KCNU1: variants seen among roughly 807,000 people sequenced by gnomAD.
The protein encoded by KCNU1 is potassium calcium-activated channel subfamily U member 1.
In KCNU1, 93 loss-of-function variants were observed where a neutral mutation model predicts 126.8. The ratio of observed to expected loss-of-function variants is 0.73; its 90% confidence interval spans 0.62 to 0.87. The LOEUF is 0.87. Among genes scored for constraint, KCNU1 ranks in the 40% least tolerant of loss-of-function variants. The probability of loss-of-function intolerance (pLI) is 0.00; values close to 1 mark genes in which losing one functional copy is unlikely to be tolerated. For missense variants in KCNU1, 1,330 were observed against 1,367.1 expected, an observed-to-expected ratio of 0.97 and a Z score of 0.43; for synonymous variants, 523 against 494.2, an observed-to-expected ratio of 1.06 and a Z score of -0.77.
chr8:36,882,083 C>T (rs1806507057), intron 19 of KCNU1, among the ~76,000 whole-genome samples: 1 of 152,158 alleles, frequency 6.6e-6, no homozygotes, highest in Non-Finnish European at 1.5e-5. Context: ...CAAAAAGAGA[C>T]CCATTCTCTC....
chr8:36,812,969 A>G (rs2130453289), intron 7 of KCNU1, among the ~76,000 whole-genome samples: 1 of 152,344 alleles, frequency 6.6e-6, no homozygotes, highest in East Asian at 1.9e-4. Context: ...CCTGTACTAC[A>G]ACATTGTAAA....
intron 22 of KCNU1, among the ~76,000 whole-genome samples, chr8:36,912,698 G>A (rs1048135132): frequency 8.5e-5 from 13 of 152,138 alleles, no homozygotes; most frequent in Admixed American, 2.0e-4. Flanking sequence ...TAGGCAGGGC[G>A]CGGTGGCTCA....
At chr8:36,924,846 A>T (rs1239375541) in intron 24 of KCNU1, among the ~76,000 whole-genome samples, 1 of 152,190 alleles carries the variant, frequency 6.6e-6, no homozygotes, top group East Asian at 1.9e-4. Context: ...TTCATGCCTT[A>T]AATTAAAATT....
chr8:36,802,012 G>T (rs1479267212), intron 2 of KCNU1, among the ~76,000 whole-genome samples: 1 of 151,284 alleles, frequency 6.6e-6, no homozygotes, highest in African/African-American at 2.4e-5. Flanking sequence ...CGGAGACTGA[G>T]GCAGGAGAAT....
intron 10 of KCNU1, among the ~76,000 whole-genome samples, chr8:36,830,482 T>C (rs1804495530): frequency 6.6e-6 from 1 of 152,106 alleles, no homozygotes. Context: ...TTTAATTTGT[T>C]AATGTGAATC....
chr8:36,916,144 G>A (rs1393237836), intron 22 of KCNU1, among the ~76,000 whole-genome samples: 1 of 146,090 alleles, frequency 6.8e-6, no homozygotes, highest in Non-Finnish European at 1.5e-5. Flanking sequence ...GGGAAAGGAA[G>A]GGAAAAGAAG....
At chr8:36,921,386 T>C (rs1037835351) in intron 23 of KCNU1, among the ~76,000 whole-genome samples, 3 of 152,138 alleles carry the variant, frequency 2.0e-5, no homozygotes, top group South Asian at 2.1e-4. Context: ...TATCTTCCAA[T>C]GCTGTTCTTA....
chr8:36,887,452 G>GTTTTTTTTTT (rs138240609), intron 19 of KCNU1, among the ~76,000 whole-genome samples: 27 of 99,242 alleles, frequency 2.7e-4, no homozygotes, highest in East Asian at 8.1e-4. Context: ...GTTTTTTTTT[G>GTTTTTTTTTT]TTTTTTTTTT....
At chr8:36,899,502 C>T (rs2117481074) in intron 19 of KCNU1, among the ~76,000 whole-genome samples, 1 of 152,146 alleles carries the variant, frequency 6.6e-6, no homozygotes, top group South Asian at 2.1e-4. Context: ...TTTTCATATA[C>T]CTCCTTTTAA....
intron 25 of KCNU1, among the ~76,000 whole-genome samples, chr8:36,932,632 A>G (rs535574839): frequency 6.6e-6 from 1 of 152,116 alleles, no homozygotes; most frequent in East Asian, 1.9e-4. Flanking sequence ...AATTCATAGT[A>G]GTTACCAGAA....
intron 16 of KCNU1, among the ~76,000 whole-genome samples, chr8:36,843,608 G>T (rs1321586675): frequency 1.3e-5 from 2 of 152,174 alleles, no homozygotes; most frequent in Non-Finnish European, 2.9e-5. Flanking sequence ...CCAGGGCTGT[G>T]CTTCTGTAAC....
intron 3 of KCNU1, 90 bp from the exon 4 acceptor site, chr8:36,805,105 A>G (rs916220456): frequency 4.8e-6 from 4 of 829,076 alleles, no homozygotes; most frequent in Non-Finnish European, 7.7e-6. Context: ...AATAAAGAAA[A>G]ATTTTCCTAT....
chr8:36,878,139 G>A (rs760101459), intron 19 of KCNU1, among the ~76,000 whole-genome samples: 6 of 152,230 alleles, frequency 3.9e-5, no homozygotes, highest in Admixed American at 1.3e-4. Flanking sequence ...TGTCTCTTAT[G>A]TGGTATTTTA....
intron 10 of KCNU1, 23 bp downstream of exon 10, chr8:36,817,783 T>C: frequency 8.5e-7 from 1 of 1,174,556 alleles, no homozygotes; most frequent in Non-Finnish European, 1.3e-6. Flanking sequence ...GTATGGCTCA[T>C]GGGTTCTAAA....
At chr8:36,875,569 T>C (rs886466727) in intron 19 of KCNU1, among the ~76,000 whole-genome samples, 15 of 151,912 alleles carry the variant, frequency 9.9e-5, no homozygotes, top group Admixed American at 3.9e-4. Context: ...AATCCAGTGA[T>C]AGGGCTTTGT....
intron 20 of KCNU1, among the ~76,000 whole-genome samples, chr8:36,908,184 A>C (rs1436631162): frequency 2.6e-5 from 4 of 152,148 alleles, no homozygotes; most frequent in African/African-American, 7.2e-5. Flanking sequence ...GCTTACAATA[A>C]GTTTCCCACA....
chr8:36,895,938 T>C (rs947350299), intron 19 of KCNU1, among the ~76,000 whole-genome samples: 1 of 152,018 alleles, frequency 6.6e-6, no homozygotes, highest in African/African-American at 2.4e-5. Flanking sequence ...AATCTTATGC[T>C]CTTGGAGCAC....
chr8:36,823,928 C>A (rs1804222965), intron 10 of KCNU1, among the ~76,000 whole-genome samples: 1 of 151,348 alleles, frequency 6.6e-6, no homozygotes, highest in Non-Finnish European at 1.5e-5. Context: ...ACCTCCGCCT[C>A]CCAGATTCAA....
intron 19 of KCNU1, among the ~76,000 whole-genome samples, chr8:36,887,223 C>T (rs896770259): frequency 1.3e-5 from 2 of 152,156 alleles, no homozygotes; most frequent in Non-Finnish European, 2.9e-5. Flanking sequence ...GAAATCTCCA[C>T]ACTGTTTTCC....
Sources: gnomAD v4.1 joint callset for allele counts (sites outside exome capture counted in the v4.1 genomes callset) on GRCh38, gnomAD v4.1.1 for gene constraint, MANE v1.5 for transcripts, NCBI Gene and HGNC (gene_info 2026-07-23, HGNC 2026-07-21) for gene names.